The following DDX3Y variants were observed in gnomAD, a reference collection of about 807,000 sequenced individuals.
The protein encoded by DDX3Y is DEAD-box helicase 3 Y-linked.
A neutral mutation model predicts 15.1 loss-of-function variants in DDX3Y; 2 were observed. That is an observed-to-expected ratio of 0.13 (90% CI 0.05 to 0.42). DDX3Y has a LOEUF of 0.42. Among genes scored for constraint, DDX3Y ranks in the 10% least tolerant of loss-of-function variants. The pLI is 0.99. For missense variants in DDX3Y, 81 were observed against 149.9 expected (o/e 0.54, Z 2.40); for synonymous variants, 47 against 45.0 (o/e 1.04, Z -0.18).
chrY:12,910,226 C>T, intron 3 of DDX3Y, among the ~76,000 whole-genome samples: 1 of 33,166 alleles, frequency 3.0e-5, no homozygotes, highest in Non-Finnish European at 7.5e-5. Flanking sequence ...TATTAACTGC[C>T]TTAAGGAGAG....
chrY:12,914,665 T>C lies in DDX3Y; in HGVS notation c.759+16T>C. The C allele has an allele frequency of 2.7e-6, 1 of 367,752 alleles. No individual in the cohort carries two copies. Among genetic ancestry groups the C allele is most frequent in the Non-Finnish European group, 3.9e-6 (1 of 257,434 alleles). The allele number at this position is 367,752 out of a possible 400,897, so 91.7% of individuals were successfully genotyped here. Reference sequence around the variant, plus strand: ...GGCTGTGAAGGTAAAGGTTTTGTTATAAAATCAGACATTTTTGTTTTAAAA... The same window carrying C: ...GGCTGTGAAGGTAAAGGTTTTGTTACAAAATCAGACATTTTTGTTTTAAAA... On this transcript the variant is annotated intron_variant, in intron 8 of 16. Coordinates refer to ENST00000336079, the MANE Select transcript of DDX3Y (RefSeq NM_004660.5).
upstream of DDX3Y, among the ~76,000 whole-genome samples, chrY:12,904,635 G>A (rs2053605634): frequency 3.0e-5 from 1 of 33,733 alleles, no homozygotes; most frequent in Non-Finnish European, 7.3e-5. Context: ...AGGAGAGGGC[G>A]GGGATAGCAA....
At chrY:12,913,204 T>A in intron 6 of DDX3Y, 142 bp downstream of exon 6, 3 of 151,692 alleles carry the variant, frequency 2.0e-5, no homozygotes, top group African/African-American at 8.8e-5. Context: ...ATTTATTTAT[T>A]TTTTTGAGAC....
chrY:12,916,862 C>T, intron 14 of DDX3Y, 45 bp from the exon 15 acceptor site: 1 of 333,744 alleles, frequency 3.0e-6, no homozygotes, highest in Non-Finnish European at 4.3e-6. Flanking sequence ...TAAGAATACT[C>T]CACTACTTTA....
In DDX3Y at chrY:12,916,497, A is replaced by T. The variant is rs776743246; in HGVS notation, c.1492-20A>T. 8 of 378,407 alleles carry T rather than the reference A, an allele frequency of 2.1e-5. No homozygotes were observed. Among genetic ancestry groups the T allele is most frequent in the South Asian group, 1.2e-4 (4 of 32,064 alleles). 94.4% of individuals were successfully genotyped at this position (378,407 alleles called of 400,897 possible). A position where few individuals can be genotyped will look rare whatever the true frequency, so the allele number is the denominator to read the frequency against. ...TGTGTGGATAGTGCTTTTTTTTTTT[A>T]AAAGAAGTTAATTTTTCAGGTGGCA... On this transcript the variant is annotated intron_variant, in intron 13 of 16. Coordinates refer to ENST00000336079, the MANE Select transcript of DDX3Y (RefSeq NM_004660.5).
chrY:12,917,087 T>C, intron 15 of DDX3Y, 27 bp downstream of exon 15: 3 of 385,360 alleles, frequency 7.8e-6, no homozygotes, highest in Non-Finnish European at 1.1e-5. Flanking sequence ...GCCTTCACTC[T>C]TGTTATTGCT....
chrY:12,913,168 A>C, intron 6 of DDX3Y, 106 bp downstream of exon 6: 1 of 177,152 alleles, frequency 5.6e-6, no homozygotes, highest in Non-Finnish European at 1.0e-5. Flanking sequence ...AAAATTTACC[A>C]AACTTATGAA....
chrY:12,913,799 C>T lies in DDX3Y; in HGVS notation c.619C>T (p.His207Tyr). The change falls in exon 7 of 17, where the codon CAT becomes TAT. Residue 207 changes from histidine to tyrosine, a missense_variant. Physicochemically the swap from His to Tyr is moderately conservative, Grantham distance 83. This residue lies in a region of DDX3Y where 52 missense variants were observed against 122.8 expected (regional missense o/e 0.42). Transcript: ENST00000336079. ...TACTCGTCCTACTCCAGTGCAAAAA[C>T]ATGCCATTCCTATTATTAAGGGAAA... The part of the protein sequence containing the change: ...RYTRPTPVQK[H>Y]AIPIIKGKRD... 2.5e-6 allele frequency: 1 copy of T among 397,235 alleles called. No individual in the cohort carries two copies. The highest frequency in any genetic ancestry group is 3.5e-6 in the Non-Finnish European group (1 of 282,177).
At chrY:12,907,442 G>A in intron 1 of DDX3Y, 95 bp from the exon 2 acceptor site, 1 of 160,978 alleles carries the variant, frequency 6.2e-6, no homozygotes, top group Non-Finnish European at 9.9e-6. Context: ...CTAAGTTTGT[G>A]GTACAGGATA....
chrY:12,912,677 T>TA (rs751258279), intron 4 of DDX3Y, 50 bp from the exon 5 acceptor site: 2 of 389,931 alleles, frequency 5.1e-6, no homozygotes, highest in African/African-American at 1.3e-4. Context: ...AGAGCGATGA[T>TA]AATCTAACAT....
At chrY:12,917,376 A>G in intron 15 of DDX3Y, 27 bp from the exon 16 acceptor site, 1 of 396,237 alleles carries the variant, frequency 2.5e-6, no homozygotes, top group South Asian at 3.0e-5. Context: ...TGTACTTAAC[A>G]CTGCCATGCC....
upstream of DDX3Y, chrY:12,904,015 A>G (rs983839153): frequency 6.1e-5 from 2 of 33,017 alleles, no homozygotes. Context: ...GTTATCATCA[A>G]CGTCATTCAG....
intron 13 of DDX3Y, 32 bp from the exon 14 acceptor site, chrY:12,916,485 C>CT (rs747609519): frequency 6.0e-5 from 18 of 299,548 alleles, no homozygotes; most frequent in African/African-American, 1.6e-4. Flanking sequence ...GTGGATAGTG[C>CT]TTTTTTTTTT....
intron 6 of DDX3Y, 98 bp from the exon 7 acceptor site, chrY:12,913,620 T>C: frequency 4.0e-6 from 1 of 247,578 alleles, no homozygotes; most frequent in South Asian, 3.8e-5. Flanking sequence ...AATATGTTAG[T>C]ATAAAACAGA....
chrY:12,909,956 G>A (rs2053623121), intron 3 of DDX3Y, among the ~76,000 whole-genome samples: 1 of 32,807 alleles, frequency 3.0e-5, no homozygotes, highest in Non-Finnish European at 7.5e-5. Context: ...GTTTAATTGG[G>A]GTGATGTTTT....
chrY:12,914,287 CCT>C (rs2053638543), intron 7 of DDX3Y, among the ~76,000 whole-genome samples: 1 of 33,967 alleles, frequency 2.9e-5, no homozygotes, highest in African/African-American at 1.1e-4. Context: ...TTCACTGACC[CCT>C]GTTTTACCTT....
intron 1 of DDX3Y, among the ~76,000 whole-genome samples, chrY:12,906,261 C>T (rs2053611293): frequency 3.0e-5 from 1 of 33,122 alleles, no homozygotes; most frequent in Non-Finnish European, 7.4e-5. Flanking sequence ...AAAATACCGT[C>T]GGAACTTCTT....
Position 12,917,549 on chromosome Y carries a change from T to G in DDX3Y, c.1903+7T>G. On this transcript the variant is annotated splice_region_variant and intron_variant, in intron 16 of 16. Transcript: ENST00000336079. ...AGCAGAGGATTTGGTGGAGGTAATG[T>G]TAATTTTTCTTTTAGGAAGGGCTTT... 1 of 383,512 alleles carries G rather than the reference T, an allele frequency of 2.6e-6. No homozygotes were observed. The highest frequency in any genetic ancestry group is 3.6e-6 in the Non-Finnish European group (1 of 277,653).
chrY:12,915,936 A>G lies in DDX3Y; in HGVS notation c.1218A>G (p.Val406=). The change falls in exon 12 of 17, where the codon GTA becomes GTG. Residue 406 remains valine, a synonymous_variant. Coordinates refer to ENST00000336079, the MANE Select transcript of DDX3Y (RefSeq NM_004660.5). The part of the protein sequence containing the change: ...DEYIFLAVGR[V]GSTSENITQK... The stretch of plus-strand genomic sequence containing the variant: ...ATATCTTTTTGGCTGTAGGCAGAGT[A>G]GGCTCTACCTCTGAGAACATCACAC... 1 of 395,837 alleles carries G rather than the reference A, an allele frequency of 2.5e-6. No homozygotes were observed. The highest frequency in any genetic ancestry group is 6.4e-5 in the African/African-American group (1 of 15,654).
Sources: allele counts gnomAD v4.1 joint callset (sites outside exome capture counted in the v4.1 genomes callset), GRCh38; gene constraint gnomAD v4.1.1; regional missense constraint gnomAD v4.1.1; transcripts MANE v1.5; gene names NCBI Gene and HGNC (gene_info 2026-07-23, HGNC 2026-07-21).